The following IRAG2 variants were observed in gnomAD, a reference collection of about 807,000 sequenced individuals.
IRAG2 encodes the protein lymphoid restricted membrane protein.
IRAG2 carries 45 observed loss-of-function variants against 69.9 expected under a neutral mutation model. That is an observed-to-expected ratio of 0.64 (90% CI 0.51 to 0.83). The LOEUF is 0.83. IRAG2 is among the 40% of genes least tolerant of loss of function. The probability of loss-of-function intolerance (pLI) is 0.00; values close to 1 mark genes in which losing one functional copy is unlikely to be tolerated. For missense variants in IRAG2, 520 were observed against 587.0 expected (o/e 0.89, Z 1.18); for synonymous variants, 193 against 202.4 (o/e 0.95, Z 0.40).
intron 6 of IRAG2, among the ~76,000 whole-genome samples, chr12:25,018,354 A>T (rs114516787): frequency 0.026 from 3,969 of 151,776 alleles, 177 homozygotes; most frequent in African/African-American, 0.09. Flanking sequence ...CTACTGGTGC[A>T]TGCCACCATG....
At chr12:25,032,088 T>C (rs1366513702) in intron 10 of IRAG2, 11 of 398,360 alleles carry the variant, frequency 2.8e-5, no homozygotes, top group Non-Finnish European at 4.4e-5. Flanking sequence ...CTAATATATA[T>C]GATTTGGTGG....
rs181057183 is a variant in IRAG2 at position 25,052,801 on chromosome 12, A to G, written c.-602A>G. The G allele has an allele frequency of 5.0e-6, 2 of 398,618 alleles. No homozygotes were observed. The highest frequency in any genetic ancestry group is 4.4e-5 in the Admixed American group (1 of 22,730). 24.7% of individuals were successfully genotyped at this position (398,618 alleles called of 1,614,324 possible). On this transcript the variant is annotated 5_prime_UTR_variant, in exon 1 of 22. Coordinates refer to ENST00000556887, the MANE Select transcript of IRAG2 (RefSeq NM_001366544.2). ...CTAACTATCCATGTCCAGGGTAAGG[A>G]TCGAGATCGAGAAGCCCACACTGCC... is the stretch of plus-strand genomic sequence containing the variant.
At chr12:25,021,182 C>T (rs536551482) in intron 7 of IRAG2, 1 of 202,950 alleles carries the variant, frequency 4.9e-6, no homozygotes, top group African/African-American at 2.3e-5. Flanking sequence ...GTGGCTCACT[C>T]CAGCCTCGAC....
chr12:25,004,213 G>A (rs998794422), upstream of IRAG2: 53 of 623,740 alleles, frequency 8.5e-5, 1 homozygote, highest in Admixed American at 1.6e-3. Flanking sequence ...TCATGATCCC[G>A]CCAAAGTTGA....
At chr12:25,030,778 G>A (rs1944662632) in intron 10 of IRAG2, among the ~76,000 whole-genome samples, 1 of 152,166 alleles carries the variant, frequency 6.6e-6, no homozygotes, top group African/African-American at 2.4e-5. Context: ...AAATTCTGGT[G>A]GTGTTCATCC....
intron 3 of IRAG2, chr12:25,011,643 T>TA: frequency 1.2e-6 from 1 of 859,740 alleles, no homozygotes; most frequent in Non-Finnish European, 1.5e-6. Context: ...TTGATGGAAA[T>TA]ACTATTGTCC....
At chr12:25,029,730 A>C (rs12579946) in intron 9 of IRAG2, among the ~76,000 whole-genome samples, 3,462 of 152,012 alleles carry the variant, frequency 0.023, 52 homozygotes, top group East Asian at 0.085. Context: ...ACCTGGGCTG[A>C]AGTGCAATGG....
At chr12:25,017,634 C>T (rs533474152) in intron 6 of IRAG2, among the ~76,000 whole-genome samples, 169 of 151,900 alleles carry the variant, frequency 1.1e-3, no homozygotes, top group African/African-American at 3.7e-3. Context: ...AAGAAAATCG[C>T]TTGAATCTGG....
intron 15 of IRAG2, among the ~76,000 whole-genome samples, chr12:25,037,299 T>G (rs2139855294): frequency 6.6e-6 from 1 of 152,234 alleles, no homozygotes; most frequent in East Asian, 1.9e-4. Context: ...CAATCTAATT[T>G]TTTTTTGTTT....
intron 10 of IRAG2, among the ~76,000 whole-genome samples, chr12:25,084,300 A>G (rs754867577): frequency 6.6e-6 from 1 of 152,116 alleles, no homozygotes; most frequent in Non-Finnish European, 1.5e-5. Context: ...CAAGGCAGAC[A>G]GATCACTTGA....
At chr12:25,050,464 G>A (rs1287951756), upstream of IRAG2, among the ~76,000 whole-genome samples, 2 of 150,312 alleles carry the variant, frequency 1.3e-5, no homozygotes, top group Admixed American at 1.3e-4. Flanking sequence ...GGGAGCCAAA[G>A]GTTGCAGTGA....
Position 25,102,181 on chromosome 12 carries a change from T to C in IRAG2, c.890-17T>C, listed in dbSNP as rs1384174734. The C allele has an allele frequency of 1.2e-6, 2 of 1,609,874 alleles. No homozygotes were observed. The highest frequency in any genetic ancestry group is 1.1e-5 in the South Asian group (1 of 90,784). On this transcript the variant is annotated splice_polypyrimidine_tract_variant and intron_variant, in intron 16 of 21. Coordinates refer to ENST00000556887, the MANE Select transcript of IRAG2 (RefSeq NM_001366544.2). ...ATGTGTAATAGCTAAAATGTGTCAATGTGTTTTTCCTTTCAGATGACTGCC... is the reference window on the plus strand; with the variant it reads ...ATGTGTAATAGCTAAAATGTGTCAACGTGTTTTTCCTTTCAGATGACTGCC...
chr12:25,087,709 T>C (rs1241242896), intron 10 of IRAG2, among the ~76,000 whole-genome samples: 5 of 152,010 alleles, frequency 3.3e-5, no homozygotes, highest in African/African-American at 1.2e-4. Flanking sequence ...TCGAGGCTGT[T>C]AGGAATTGCG....
chr12:25,046,940 A>G (rs1944799373), intron 16 of IRAG2, among the ~76,000 whole-genome samples: 1 of 152,216 alleles, frequency 6.6e-6, no homozygotes, highest in Non-Finnish European at 1.5e-5. Flanking sequence ...TTACAAAGCT[A>G]CAGTAATTAA....
In IRAG2 at chr12:25,101,315, TGAA is replaced by T; in HGVS notation, c.882_884del (p.Glu294del). The T allele has an allele frequency of 6.3e-7, 1 of 1,593,098 alleles. No individual in the cohort carries two copies. Among genetic ancestry groups the T allele is most frequent in the Non-Finnish European group, 8.5e-7 (1 of 1,169,964 alleles). ...AGAATGAAAGGTCTTTCAATCCTCT[TGAA>T]GATGATGGTAATAAAAGTTTATGAT... On this transcript the variant is annotated inframe_deletion, in exon 16 of 22. Coordinates refer to ENST00000556887, the MANE Select transcript of IRAG2 (RefSeq NM_001366544.2).
intron 10 of IRAG2, among the ~76,000 whole-genome samples, chr12:25,085,700 G>A (rs780368293): frequency 7.1e-6 from 1 of 140,752 alleles, no homozygotes; most frequent in Non-Finnish European, 1.5e-5. Flanking sequence ...CCCTCACTGG[G>A]GACCCCGCCT....
chr12:25,105,946 G>A (rs1949068313), intron 20 of IRAG2, among the ~76,000 whole-genome samples: 1 of 151,994 alleles, frequency 6.6e-6, no homozygotes, highest in Non-Finnish European at 1.5e-5. Context: ...GAACTCATCA[G>A]CAAATATAGT....
At chr12:25,007,634 G>A (rs1382102078) in intron 2 of IRAG2, among the ~76,000 whole-genome samples, 1 of 152,092 alleles carries the variant, frequency 6.6e-6, no homozygotes, top group Non-Finnish European at 1.5e-5. Context: ...TGATTCTCCT[G>A]CCTCAGCCTC....
At chr12:25,016,461 C>G (rs1422544735) in intron 5 of IRAG2, among the ~76,000 whole-genome samples, 2 of 152,118 alleles carry the variant, frequency 1.3e-5, no homozygotes, top group African/African-American at 4.8e-5. Flanking sequence ...CTGCCGAGAT[C>G]CCTTCGCTGA....
Sources: allele counts gnomAD v4.1 joint callset (sites outside exome capture counted in the v4.1 genomes callset), GRCh38; gene constraint gnomAD v4.1.1; transcripts MANE v1.5; gene names NCBI Gene and HGNC (gene_info 2026-07-23, HGNC 2026-07-21).